Variants in NUTM2E observed in about 807,000 individuals in gnomAD.
NUTM2E encodes the protein family with sequence similarity 22, member E.
Under a neutral mutation model 26.1 loss-of-function variants are expected in NUTM2E, and 3 were observed. The ratio of observed to expected loss-of-function variants is 0.12; its 90% CI spans 0.05 to 0.30. The LOEUF is 0.30. Ranked by LOEUF, NUTM2E falls within the 10% of genes least tolerant of loss-of-function variation. The pLI is 1.00. For missense variants in NUTM2E, 62 were observed against 381.3 expected (o/e 0.16, Z 6.97); for synonymous variants, 13 against 157.5 (o/e 0.08, Z 6.87).
At chr10:79,832,600 A>G (rs1841934010) in intron 1 of NUTM2E, among the ~76,000 whole-genome samples, 1 of 151,748 alleles carries the variant, frequency 6.6e-6, no homozygotes, top group South Asian at 2.1e-4. Flanking sequence ...TATACATATA[A>G]CCAAGAAATA....
rs1382316202 is a variant in NUTM2E at position 79,826,980 on chromosome 10, C to T, written c.-3105C>T. ...CCACCCAGCATTGAGCTGCCAGCGG[C>T]TGTTCTCCCTAAGCACCCTCGCTCA... is the stretch of plus-strand genomic sequence containing the variant. On this transcript the variant is annotated 5_prime_UTR_variant, in exon 1 of 10. Coordinates refer to ENST00000429984, the MANE Select transcript of NUTM2E (RefSeq NM_001355263.2). 7.5e-6 allele frequency: 1 copy of T among 133,188 alleles called. No homozygotes were observed. Among genetic ancestry groups the T allele is most frequent in the African/African-American group, 2.8e-5 (1 of 36,266 alleles). 8.3% of individuals were successfully genotyped at this position (133,188 alleles called of 1,614,324 possible).
chr10:79,829,580 G>T (rs1387270679), intron 1 of NUTM2E, among the ~76,000 whole-genome samples: 1 of 151,876 alleles, frequency 6.6e-6, no homozygotes, highest in African/African-American at 2.4e-5. Context: ...AGAGAAAATG[G>T]TATCTATGAC....
chr10:79,849,066 CTG>C lies in NUTM2E; in HGVS notation c.1734+177_1734+178del, dbSNP rs1458730373. The stretch of plus-strand genomic sequence containing the variant: ...GTGTGTTTGTGTCTGTGGTTTGTTA[CTG>C]TGTGTCTTTGTGTGTCTGTGTAGGT... On this transcript the variant is annotated intron_variant, in intron 8 of 9. Transcript: ENST00000429984. Among the ~76,000 whole-genome samples, 3 of 111,744 alleles carry C rather than the reference CTG, an allele frequency of 2.7e-5. 1 individual carries two copies. The highest frequency in any genetic ancestry group is 8.5e-5 in the African/African-American group (3 of 35,256). 73.3% of individuals were successfully genotyped at this position (111,744 alleles called of 152,430 possible). A position where few individuals can be genotyped will look rare whatever the true frequency, so the allele number is the denominator to read the frequency against.
In NUTM2E at chr10:79,838,868, C is replaced by T. The variant is rs1268135363; in HGVS notation, c.-2361C>T. Among the ~76,000 whole-genome samples, 14 of 143,358 alleles carry T rather than the reference C, an allele frequency of 9.8e-5. No individual in the cohort carries two copies. The highest frequency in any genetic ancestry group is 2.3e-4 in the South Asian group (1 of 4,406). 94.0% of individuals were successfully genotyped at this position (143,358 alleles called of 152,430 possible). A position where few individuals can be genotyped will look rare whatever the true frequency, so the allele number is the denominator to read the frequency against. On this transcript the variant is annotated 5_prime_UTR_variant, in exon 3 of 10. Transcript: ENST00000429984. Reference sequence around the variant, plus strand: ...TGCGCGTCTCCCTGCCATCAACCGCCGCAACTGGCGCTGGGAGCGGTTGAG... The same window carrying T: ...TGCGCGTCTCCCTGCCATCAACCGCTGCAACTGGCGCTGGGAGCGGTTGAG...
At chr10:79,829,120 T>C (rs1841910077) in intron 1 of NUTM2E, among the ~76,000 whole-genome samples, 1 of 151,868 alleles carries the variant, frequency 6.6e-6, no homozygotes, top group South Asian at 2.1e-4. Context: ...TTGAATATTA[T>C]TGTGACATTT....
Position 79,850,406 on chromosome 10 carries a change from T to C in NUTM2E, c.2437T>C (p.Ser813Pro). The stretch of plus-strand genomic sequence containing the variant: ...GAGAAGAGGCCTCAACCTAGCACCT[T>C]CTCCTGCCAACAAGGCCAAGAAGCA... Reference protein sequence around the residue: ...AERRGLNLAPSPANKAKKQPL... With the variant: ...AERRGLNLAPPPANKAKKQPL... Residue 813 changes from serine (S) to proline (P), a missense_variant, in exon 10 of 10, where the codon TCT becomes CCT. By Grantham distance (74) the Ser-to-Pro change is moderately conservative. Transcript: ENST00000429984. The C allele has an allele frequency of 2.9e-6, 2 of 695,942 alleles. 1 individual carries two copies. Among genetic ancestry groups the C allele is most frequent in the East Asian group, 6.7e-5 (2 of 29,848 alleles). 43.1% of individuals were successfully genotyped at this position (695,942 alleles called of 1,614,324 possible).
rs925550579 is a variant in NUTM2E, at chr10:79,838,836, C to T, written c.-2393C>T. Among the ~76,000 whole-genome samples, 1 of 151,564 alleles carries T rather than the reference C, an allele frequency of 6.6e-6. No individual in the cohort carries two copies. Among genetic ancestry groups the T allele is most frequent in the Non-Finnish European group, 1.5e-5 (1 of 67,844 alleles). On this transcript the variant is annotated 5_prime_UTR_variant, in exon 3 of 10. Transcript: ENST00000429984. ...GGCCGTTGGGTCACCGCCCTTTGCT[C>T]TCGCGCTGCGCGTCTCCCTGCCATC...
chr10:79,834,972 AATCC>A lies in NUTM2E; in HGVS notation c.-2727-3330_-2727-3327del, dbSNP rs572956446. ...TCAATTTATCTATTATCTGTCTCTT[AATCC>A]ATCCATTCATCCTTCCATTCAATCT... On this transcript the variant is annotated intron_variant, in intron 1 of 9. Coordinates refer to ENST00000429984, the MANE Select transcript of NUTM2E (RefSeq NM_001355263.2). Among the ~76,000 whole-genome samples the A allele has an allele frequency of 4.9e-4, 74 of 151,788 alleles. 3 individuals carry two copies. In the East Asian group the frequency reaches 0.013, roughly 27 times the overall value.
At position 79,848,548 on chromosome 10, in the gene NUTM2E, A is replaced by C; in HGVS notation, c.1387A>C (p.Thr463Pro). The change falls in exon 8 of 10, where the codon ACT becomes CCT. Residue 463 changes from threonine (T) to proline (P), a missense_variant. Transcript: ENST00000429984. ...CAGCAAGGCCGGCCCCAAGGCCCAGACTGCCTGCCTGCCACCACCCAGACC... is the reference window on the plus strand; with the variant it reads ...CAGCAAGGCCGGCCCCAAGGCCCAGCCTGCCTGCCTGCCACCACCCAGACC... ...LPSKAGPKAQ[T>P]ACLPPPRPQR... The C allele has an allele frequency of 1.9e-6, 1 of 534,776 alleles. No homozygotes were observed. Among genetic ancestry groups the C allele is most frequent in the Non-Finnish European group, 2.8e-6 (1 of 356,530 alleles). The allele number at this position is 534,776 out of a possible 1,614,324, so 33.1% of individuals were successfully genotyped here. A position where few individuals can be genotyped will look rare whatever the true frequency, so the allele number is the denominator to read the frequency against.
At chr10:79,828,431 G>A (rs995246543) in intron 1 of NUTM2E, among the ~76,000 whole-genome samples, 1 of 151,810 alleles carries the variant, frequency 6.6e-6, no homozygotes, top group Non-Finnish European at 1.5e-5. Context: ...AAGGTTAACA[G>A]CCCCCTTCTC....
chr10:79,834,965 GTC>G (rs1308736408), intron 1 of NUTM2E, among the ~76,000 whole-genome samples: 2 of 151,324 alleles, frequency 1.3e-5, no homozygotes, highest in African/African-American at 4.9e-5. Context: ...TCTATTATCT[GTC>G]TCTTAATCCA....
At chr10:79,838,607 C>A (rs369218200) in intron 2 of NUTM2E, among the ~76,000 whole-genome samples, 21 bp downstream of exon 2, 1 of 136,410 alleles carries the variant, frequency 7.3e-6, no homozygotes, top group African/African-American at 2.6e-5. Flanking sequence ...GAAAGGAGCG[C>A]GGCCTGGGCA....
At chr10:79,834,539 A>G (rs1841948640) in intron 1 of NUTM2E, among the ~76,000 whole-genome samples, 1 of 151,210 alleles carries the variant, frequency 6.6e-6, no homozygotes, top group Non-Finnish European at 1.5e-5. Context: ...CGTCTCTACT[A>G]AAAATACAAA....
At chr10:79,831,926 A>G (rs571731557) in intron 1 of NUTM2E, among the ~76,000 whole-genome samples, 289 of 152,200 alleles carry the variant, frequency 1.9e-3, no homozygotes, top group African/African-American at 6.3e-3. Context: ...AAAATTTAAG[A>G]TAAAGGTGCT....
rs1250790453 is a variant in NUTM2E at position 79,840,092 on chromosome 10, T to A, written c.-1649T>A. 6.7e-6 allele frequency among the ~76,000 whole-genome samples: 1 copy of A among 149,466 alleles called. No individual in the cohort carries two copies. Among genetic ancestry groups the A allele is most frequent in the African/African-American group, 2.5e-5 (1 of 39,808 alleles). Reference sequence around the variant, plus strand: ...GAATCTTGAGAAAGCATCAGCTGACTGACTTGACAAGGGAGGAAGCAACCA... The same window carrying A: ...GAATCTTGAGAAAGCATCAGCTGACAGACTTGACAAGGGAGGAAGCAACCA... On this transcript the variant is annotated 5_prime_UTR_variant, in exon 4 of 10. Transcript: ENST00000429984.
chr10:79,838,051 G>T (rs1271432293), intron 1 of NUTM2E, among the ~76,000 whole-genome samples: 1 of 151,384 alleles, frequency 6.6e-6, no homozygotes, highest in Non-Finnish European at 1.5e-5. Context: ...CCATAAGGCT[G>T]GCCATGGAAA....
Position 79,838,527 on chromosome 10 carries a change from C to T in NUTM2E, c.-2509C>T, listed in dbSNP as rs1386090928. The stretch of plus-strand genomic sequence containing the variant: ...TTGTTTGGAATGTGAAAGGCACGGC[C>T]GAGACACACTTTGAGGTTCCCACTG... On this transcript the variant is annotated 5_prime_UTR_variant, in exon 2 of 10. Coordinates refer to ENST00000429984, the MANE Select transcript of NUTM2E (RefSeq NM_001355263.2). 6.0e-5 allele frequency among the ~76,000 whole-genome samples: 9 copies of T among 148,860 alleles called. No individual in the cohort carries two copies. Among genetic ancestry groups the T allele is most frequent in the African/African-American group, 1.2e-4 (5 of 40,882 alleles).
chr10:79,838,452 C>G lies in NUTM2E; in HGVS notation c.-2584C>G, dbSNP rs1486763661. 3.4e-5 allele frequency among the ~76,000 whole-genome samples: 5 copies of G among 146,902 alleles called. No individual in the cohort carries two copies. In the South Asian group the frequency reaches 1.1e-3, roughly 33 times the overall value. ...TACGAGGACAGGAGCTACTTCTTTG[C>G]TGAACTGCATCACGGTTTCAACTGC... On this transcript the variant is annotated 5_prime_UTR_variant, in exon 2 of 10. Transcript: ENST00000429984.
intron 1 of NUTM2E, among the ~76,000 whole-genome samples, chr10:79,828,991 A>C (rs1841909407): frequency 6.6e-6 from 1 of 151,860 alleles, no homozygotes; most frequent in South Asian, 2.1e-4. Flanking sequence ...ATACCTGAAT[A>C]AATATTTATA....
Sources: gnomAD v4.1 joint callset for allele counts (sites outside exome capture counted in the v4.1 genomes callset) on GRCh38, gnomAD v4.1.1 for gene constraint, MANE v1.5 for transcripts, NCBI Gene and HGNC (gene_info 2026-07-23, HGNC 2026-07-21) for gene names.